Variants in PEX26 observed in about 807,000 individuals in gnomAD.
PEX26 encodes the protein peroxisomal biogenesis factor 26, also known as peroxisome assembly protein 26.
In PEX26, 18 loss-of-function variants were observed where a neutral mutation model predicts 31.4. The observed-to-expected ratio is 0.57, with a 90% CI of 0.40 to 0.85. The LOEUF is 0.85. Among genes scored for constraint, PEX26 ranks in the 40% least tolerant of loss-of-function variants. The pLI is 0.00. For synonymous variants in PEX26, 176 were observed against 166.9 expected (o/e 1.05, Z -0.42); for missense variants, 377 against 383.9 (o/e 0.98, Z 0.15).
In PEX26 at chr22:18,092,390, G is replaced by C. The variant is rs936167667; in HGVS notation, c.*4315G>C. ...AAGCTACAGGACAGACAGTGGGCAC[G>C]GTGCCTAGCAGCCTGTCGCGCCCCC... On this transcript the variant is annotated 3_prime_UTR_variant, in exon 5 of 5. Transcript: ENST00000399744. 6.6e-6 allele frequency: 1 copy of C among 152,280 alleles called. No homozygotes were observed. Among genetic ancestry groups the C allele is most frequent in the African/African-American group, 2.4e-5 (1 of 41,460 alleles). The allele number at this position is 152,280 out of a possible 1,614,324, so 9.4% of individuals were successfully genotyped here. A position where few individuals can be genotyped will look rare whatever the true frequency, so the allele number is the denominator to read the frequency against.
chr22:18,084,459 G>A (rs186829502), intron 3 of PEX26, among the ~76,000 whole-genome samples: 76 of 152,140 alleles, frequency 5.0e-4, no homozygotes, highest in South Asian at 1.0e-3. Flanking sequence ...TAGCCAGGAT[G>A]GTCTCAATCT....
chr22:18,078,374 G>C lies in PEX26; in HGVS notation c.-3G>C. On this transcript the variant is annotated 5_prime_UTR_variant, in exon 1 of 5. Coordinates refer to ENST00000399744, the MANE Select transcript of PEX26 (RefSeq NM_001127649.3). Reference sequence around the variant, plus strand: ...GGACCTGGGCCTTGGACCCGGACTCGTTATGAAGAGCGATTCTTCGACCTC... The same window carrying C: ...GGACCTGGGCCTTGGACCCGGACTCCTTATGAAGAGCGATTCTTCGACCTC... The C allele has an allele frequency of 1.3e-6, 2 of 1,598,194 alleles. No homozygotes were observed. The highest frequency in any genetic ancestry group is 1.7e-6 in the Non-Finnish European group (2 of 1,172,690).
intron 1 of PEX26, 77 bp from the exon 2 acceptor site, chr22:18,079,797 G>A (rs1306031272): frequency 6.5e-7 from 1 of 1,529,450 alleles, no homozygotes; most frequent in Non-Finnish European, 9.1e-7. Context: ...AGCTGGAGAG[G>A]AACAGTCCCA....
At chr22:18,082,473 C>G (rs1206206772) in intron 2 of PEX26, among the ~76,000 whole-genome samples, 2 of 152,290 alleles carry the variant, frequency 1.3e-5, no homozygotes, top group East Asian at 1.9e-4. Context: ...GTCTTTTCCC[C>G]TGTGTGTGTT....
intron 4 of PEX26, among the ~76,000 whole-genome samples, chr22:18,086,971 G>A (rs986247931): frequency 7.3e-5 from 11 of 151,508 alleles, no homozygotes; most frequent in Non-Finnish European, 8.8e-5. Flanking sequence ...GGAGTGCACC[G>A]GCGTGATCTT....
intron 1 of PEX26, 112 bp from the exon 2 acceptor site, chr22:18,079,762 G>T: frequency 8.2e-7 from 1 of 1,214,772 alleles, no homozygotes. Context: ...ACAGGGATGA[G>T]AGAGATGATG....
At chr22:18,078,815 CAGCCAAT>C in intron 1 of PEX26, 2 of 702,388 alleles carry the variant, frequency 2.8e-6, no homozygotes, top group Non-Finnish European at 2.6e-6. Context: ...GGGGATCCCA[CAGCCAAT>C]TATTTGCTCC....
At position 18,083,516 on chromosome 22, in the gene PEX26, C is replaced by A; in HGVS notation, c.451C>A (p.Gln151Lys). The change falls in exon 3 of 5, where the codon CAA becomes AAA. Residue 151 changes from glutamine (Q) to lysine (K), a missense_variant. Coordinates refer to ENST00000399744, the MANE Select transcript of PEX26 (RefSeq NM_001127649.3). ...VGAWLQDPAN[Q>K]NLPEYGALAE... is the part of the protein sequence containing the mutation. Reference sequence around the variant, plus strand: ...TGCCTGGCTCCAAGACCCAGCCAATCAAAACCTTCCAGAATATGGAGCCTT... The same window carrying A: ...TGCCTGGCTCCAAGACCCAGCCAATAAAAACCTTCCAGAATATGGAGCCTT... The A allele has an allele frequency of 6.2e-7, 1 of 1,614,112 alleles. No individual in the cohort carries two copies. Among genetic ancestry groups the A allele is most frequent in the South Asian group, 1.1e-5 (1 of 91,068 alleles).
intron 2 of PEX26, 49 bp from the exon 3 acceptor site, chr22:18,083,385 CATT>C: frequency 6.4e-7 from 1 of 1,569,558 alleles, no homozygotes; most frequent in African/African-American, 1.3e-5. Flanking sequence ...ATGAACCAAT[CATT>C]GAGCACTGAC....
chr22:18,081,175 A>G (rs1335459327), intron 2 of PEX26, among the ~76,000 whole-genome samples: 1 of 128,628 alleles, frequency 7.8e-6, no homozygotes, highest in East Asian at 2.3e-4. Flanking sequence ...ATATATATAT[A>G]TGCGTGTGTG....
chr22:18,094,890 A>G lies in PEX26; in HGVS notation c.*6815A>G, dbSNP rs1927247311. ...CCTCTTGGGTTCAAGCCAGCGAGGT[A>G]GATATTATCATTTTAGAGACAGCAA... On this transcript the variant is annotated 3_prime_UTR_variant, in exon 5 of 5. Coordinates refer to ENST00000399744, the MANE Select transcript of PEX26 (RefSeq NM_001127649.3). 6.6e-6 allele frequency: 1 copy of G among 151,310 alleles called. No homozygotes were observed. Among genetic ancestry groups the G allele is most frequent in the South Asian group, 2.1e-4 (1 of 4,796 alleles). The allele number at this position is 151,310 out of a possible 1,614,324, so 9.4% of individuals were successfully genotyped here.
At chr22:18,081,287 A>T (rs1264620509) in intron 2 of PEX26, among the ~76,000 whole-genome samples, 1 of 109,672 alleles carries the variant, frequency 9.1e-6, no homozygotes, top group Non-Finnish European at 2.1e-5. Flanking sequence ...CACATTATCC[A>T]TTCATCTGTT....
At chr22:18,087,941 A>G in intron 4 of PEX26, 31 bp from the exon 5 acceptor site, 1 of 1,347,986 alleles carries the variant, frequency 7.4e-7, no homozygotes, top group Non-Finnish European at 1.1e-6. Flanking sequence ...GAGGGGTGGG[A>G]CGTTCACTGT....
In PEX26 at chr22:18,099,521, A is replaced by G. The variant is rs146689761; in HGVS notation, c.*11446A>G. The G allele has an allele frequency of 2.6e-5, 4 of 152,260 alleles. No individual in the cohort carries two copies. The highest frequency in any genetic ancestry group is 5.9e-5 in the Non-Finnish European group (4 of 68,048). The allele number at this position is 152,260 out of a possible 1,614,324, so 9.4% of individuals were successfully genotyped here. On this transcript the variant is annotated 3_prime_UTR_variant, in exon 5 of 5. Transcript: ENST00000399744. ...TCATATGTGCTTATTTTAAGCATAT[A>G]TCTACCAATTTGAGTTTGGCATTCT...
rs542681291 is a variant in PEX26 at position 18,101,810 on chromosome 22, G to A, written c.*13735G>A. 10 of 175,972 alleles carry A rather than the reference G, an allele frequency of 5.7e-5. No homozygotes were observed. In the East Asian group the frequency reaches 1.4e-3, roughly 24 times the overall value. The allele number at this position is 175,972 out of a possible 1,614,324, so 10.9% of individuals were successfully genotyped here. A position where few individuals can be genotyped will look rare whatever the true frequency, so the allele number is the denominator to read the frequency against. On this transcript the variant is annotated 3_prime_UTR_variant, in exon 5 of 5. Transcript: ENST00000399744. ...TTCCTTGGTCATTAACCTGAGGTCT[G>A]GGGCCTTTAAAGCTATTGAGGAGCC...
In PEX26 at chr22:18,092,827, G is replaced by GC. The variant is rs201156104; in HGVS notation, c.*4752_*4753insC. ...TGGGACCCCATTTCTTTTTTTTGGGGGGGGGGTGGGTTATAAAAGCCCTTT... is the reference window on the plus strand; with the variant it reads ...TGGGACCCCATTTCTTTTTTTTGGGGCGGGGGGTGGGTTATAAAAGCCCTTT... On this transcript the variant is annotated 3_prime_UTR_variant, in exon 5 of 5. Coordinates refer to ENST00000399744, the MANE Select transcript of PEX26 (RefSeq NM_001127649.3). The GC allele has an allele frequency of 8.3e-5, 9 of 108,676 alleles. No homozygotes were observed. The highest frequency in any genetic ancestry group is 1.4e-4 in the Non-Finnish European group (8 of 56,884). 6.7% of individuals were successfully genotyped at this position (108,676 alleles called of 1,614,324 possible).
At chr22:18,080,201 G>C (rs1926500939) in intron 2 of PEX26, among the ~76,000 whole-genome samples, 187 bp downstream of exon 2, 1 of 152,138 alleles carries the variant, frequency 6.6e-6, no homozygotes, top group Non-Finnish European at 1.5e-5. Context: ...TTTAGGAGTA[G>C]AATAGATATA....
chr22:18,087,143 C>T (rs1218537206), intron 4 of PEX26, among the ~76,000 whole-genome samples: 2 of 152,040 alleles, frequency 1.3e-5, no homozygotes, highest in Admixed American at 6.6e-5. Flanking sequence ...GGCGTGATCT[C>T]GGCTTACTGC....
In PEX26 at chr22:18,080,224, A is replaced by C. The variant is rs1301147693; in HGVS notation, c.371+210A>C. Among the ~76,000 whole-genome samples, 92 of 152,228 alleles carry C rather than the reference A, an allele frequency of 6.0e-4. 1 individual carries two copies. In the Admixed American group the frequency reaches 6.1e-3, roughly 10 times the overall value. On this transcript the variant is annotated intron_variant, in intron 2 of 4. Coordinates refer to ENST00000399744, the MANE Select transcript of PEX26 (RefSeq NM_001127649.3). ...TAGAATAGATATAAAGAAGGGAGGA[A>C]ACAGGGAATAGGAGCGACGTGGGAT...
Sources: allele counts gnomAD v4.1 joint callset (sites outside exome capture counted in the v4.1 genomes callset), GRCh38; gene constraint gnomAD v4.1.1; transcripts MANE v1.5; gene names NCBI Gene and HGNC (gene_info 2026-07-23, HGNC 2026-07-21).